CENPM: variants seen among roughly 807,000 people sequenced by gnomAD.
The protein encoded by CENPM is interphase centromere complex protein 39.
In CENPM, 14 loss-of-function variants were observed where a neutral mutation model predicts 19.6. The observed-to-expected ratio is 0.71, with a 90% CI of 0.47 to 1.11. The LOEUF (loss-of-function observed/expected upper bound fraction) is 1.11, where lower values mean the gene tolerates loss of function less well. CENPM is among the 50% of genes most tolerant of loss of function. CENPM has a pLI of 0.00. For missense variants in CENPM, 239 were observed against 228.4 expected (o/e 1.05, Z -0.30); for synonymous variants, 114 against 101.5 (o/e 1.12, Z -0.74).
chr22:41,945,338 C>T (rs1206419061), intron 3 of CENPM, 34 bp from the exon 4 acceptor site: 2 of 1,613,478 alleles, frequency 1.2e-6, no homozygotes, highest in Middle Eastern at 1.6e-4. Context: ...GAAAACAAAC[C>T]AGAGAACAAA....
intron 5 of CENPM, among the ~76,000 whole-genome samples, chr22:41,941,329 C>T (rs2077736788): frequency 6.6e-6 from 1 of 152,232 alleles, no homozygotes; most frequent in Non-Finnish European, 1.5e-5. Context: ...CTGGGTGCTC[C>T]ATCTGAGGGA....
At chr22:41,944,150 CAAA>C (rs2077770923) in intron 4 of CENPM, 1 of 985,140 alleles carries the variant, frequency 1.0e-6, no homozygotes, top group African/African-American at 1.7e-5. Flanking sequence ...CTAGAGTAAA[CAAA>C]AAGAGGACGG....
downstream of CENPM, among the ~76,000 whole-genome samples, chr22:41,934,433 G>A (rs568277119): frequency 2.2e-4 from 33 of 152,298 alleles, no homozygotes; most frequent in Admixed American, 1.1e-3. Context: ...GAGCACGGAC[G>A]GGGCAGCTTC....
chr22:41,939,238 C>A, intron 5 of CENPM, 42 bp from the exon 6 acceptor site: 1 of 1,563,056 alleles, frequency 6.4e-7, no homozygotes, highest in African/African-American at 1.3e-5. Flanking sequence ...AGAATGCTGG[C>A]CCTGCTCCCT....
In CENPM at chr22:41,939,180, G is replaced by A; in HGVS notation, c.419C>T (p.Ala140Val). ...YCDLEVEGFR[A>V]TMAQRLVRVL... ...GCGCACCAGGCGCTGCGCCATGGTGGCCCTAAAGCCTTCCACCTGCGGGGA... is the reference window on the plus strand; with the variant it reads ...GCGCACCAGGCGCTGCGCCATGGTGACCCTAAAGCCTTCCACCTGCGGGGA... Residue 140 changes from alanine to valine, a missense_variant, in exon 6 of 6, where the codon GCC becomes GTC. Coordinates refer to ENST00000215980, the MANE Select transcript of CENPM (RefSeq NM_024053.5). The A allele has an allele frequency of 6.2e-7, 1 of 1,611,380 alleles. No individual in the cohort carries two copies. The highest frequency in any genetic ancestry group is 8.5e-7 in the Non-Finnish European group (1 of 1,179,336).
At chr22:41,946,749 AC>A in intron 1 of CENPM, 1 of 598,038 alleles carries the variant, frequency 1.7e-6, no homozygotes. Context: ...AGGAGGCCAG[AC>A]CCCCAGACGC....
At position 41,946,271 on chromosome 22, in the gene CENPM, G is replaced by T. The variant is rs559629762; in HGVS notation, c.137+146C>A. 102 of 715,638 alleles carry T rather than the reference G, an allele frequency of 1.4e-4. No homozygotes were observed. The African/African-American group carries it at 1.4e-3, about 10-fold the overall frequency. 44.3% of individuals were successfully genotyped at this position (715,638 alleles called of 1,614,324 possible). ...GCAAGGGGAGGTTGGGATATAAGAC[G>T]GCATGGGACTAGCCAGCTACGCTGC... On this transcript the variant is annotated intron_variant, in intron 2 of 5. Coordinates refer to ENST00000215980, the MANE Select transcript of CENPM (RefSeq NM_024053.5).
chr22:41,933,233 T>C, the CENPM span, among the ~76,000 whole-genome samples: 2 of 152,078 alleles, frequency 1.3e-5, no homozygotes, highest in Admixed American at 6.6e-5. Flanking sequence ...CTAGCACGAC[T>C]GGTCCCACTT....
At chr22:41,933,508 C>T in the CENPM span, among the ~76,000 whole-genome samples, 1 of 152,080 alleles carries the variant, frequency 6.6e-6, no homozygotes, top group Non-Finnish European at 1.5e-5. Flanking sequence ...TGGAAGAGGG[C>T]GGTCCAGGGA....
rs778207593 is a variant in CENPM, at chr22:41,944,033, C to A, written c.311-332G>T. 4.1e-4 allele frequency: 368 copies of A among 895,764 alleles called. 1 individual carries two copies. Among genetic ancestry groups the A allele is most frequent in the Admixed American group, 1.3e-3 (21 of 16,180 alleles). The allele number at this position is 895,764 out of a possible 1,614,324, so 55.5% of individuals were successfully genotyped here. On this transcript the variant is annotated intron_variant, in intron 4 of 5. Transcript: ENST00000215980. The stretch of plus-strand genomic sequence containing the variant: ...GGAGCTAACAGTTCAGCTGGGAAGG[C>A]AGACAGGTCAGACACCTCATGCATG...
intron 3 of CENPM, 136 bp from the exon 4 acceptor site, chr22:41,945,440 T>TCCTTTA: frequency 2.1e-6 from 3 of 1,417,358 alleles, no homozygotes; most frequent in Non-Finnish European, 2.8e-6. Flanking sequence ...GAAATATTTG[T>TCCTTTA]CCTTTAATTT....
At position 41,945,278 on chromosome 22, in the gene CENPM, C is replaced by A. The variant is rs773182401; in HGVS notation, c.257G>T (p.Arg86Leu). The A allele has an allele frequency of 8.7e-6, 14 of 1,613,762 alleles. No homozygotes were observed. The change falls in exon 4 of 6, where the codon CGC becomes CTC. Residue 86 changes from arginine to leucine, a missense_variant. Transcript: ENST00000215980. The part of the protein sequence containing the change: ...YSLQNTEESL[R>L]HVDASFFLGK... ...CAAGAAGAAGCTGGCATCCACATGGCGCAGGGACTCCTCTGTGTTCTGGAG... is the reference window on the plus strand; with the variant it reads ...CAAGAAGAAGCTGGCATCCACATGGAGCAGGGACTCCTCTGTGTTCTGGAG...
At chr22:41,941,884 TGAGACAG>T (rs1332125788) in intron 5 of CENPM, among the ~76,000 whole-genome samples, 2 of 152,202 alleles carry the variant, frequency 1.3e-5, no homozygotes, top group African/African-American at 4.8e-5. Context: ...TGCTGCCACA[TGAGACAG>T]TGATGAGACC....
At chr22:41,930,308 C>A in the CENPM span, among the ~76,000 whole-genome samples, 1 of 151,630 alleles carries the variant, frequency 6.6e-6, no homozygotes, top group Non-Finnish European at 1.5e-5. Flanking sequence ...CGGCTCACTG[C>A]AGCCTCTGCC....
Position 41,945,391 on chromosome 22 carries a change from T to G in CENPM, c.231-87A>C, listed in dbSNP as rs535755865. The G allele has an allele frequency of 4.0e-5, 63 of 1,580,838 alleles. No individual in the cohort carries two copies. The Admixed American group carries it at 1.2e-3, about 29-fold the overall frequency. ...GCAGAAGTCCTTGCTTCTCTGATCC[T>G]AGAGGCCAGAGAATGACAAGAGGGT... On this transcript the variant is annotated intron_variant, in intron 3 of 5. Coordinates refer to ENST00000215980, the MANE Select transcript of CENPM (RefSeq NM_024053.5).
At chr22:41,943,524 A>T in intron 5 of CENPM, 86 bp downstream of exon 5, 1 of 1,161,752 alleles carries the variant, frequency 8.6e-7, no homozygotes. Flanking sequence ...GTCCTTCGAT[A>T]AGCATTCCCA....
chr22:41,939,033 G>A lies in CENPM; in HGVS notation c.*23C>T, dbSNP rs368867350. Reference sequence around the variant, plus strand: ...GAGTCAGCACGAAGCCATGAGAAGGGGCAGCCCAGGGGCCAGCCACCCTCA... The same window carrying A: ...GAGTCAGCACGAAGCCATGAGAAGGAGCAGCCCAGGGGCCAGCCACCCTCA... On this transcript the variant is annotated 3_prime_UTR_variant, in exon 6 of 6. Coordinates refer to ENST00000215980, the MANE Select transcript of CENPM (RefSeq NM_024053.5). The A allele has an allele frequency of 8.1e-6, 13 of 1,611,530 alleles. No homozygotes were observed. The highest frequency in any genetic ancestry group is 1.0e-5 in the Non-Finnish European group (12 of 1,179,242).
Position 41,946,444 on chromosome 22 carries a change from T to C in CENPM, c.110A>G (p.Lys37Arg), listed in dbSNP as rs755760885. The C allele has an allele frequency of 2.5e-6, 4 of 1,613,074 alleles. No individual in the cohort carries two copies. The highest frequency in any genetic ancestry group is 1.7e-5 in the Admixed American group (1 of 60,006). Reference sequence around the variant, plus strand: ...CTTCAGCTCGGAGGCGCAGTCCTCTTTGAGCATCGAGTCCGCCAGCTGCTG... The same window carrying C: ...CTTCAGCTCGGAGGCGCAGTCCTCTCTGAGCATCGAGTCCGCCAGCTGCTG... ...LLQQLADSML[K>R]EDCASELKVH... The change falls in exon 2 of 6, where the codon AAA becomes AGA. Residue 37 changes from lysine (K) to arginine (R), a missense_variant. Coordinates refer to ENST00000215980, the MANE Select transcript of CENPM (RefSeq NM_024053.5).
intron 4 of CENPM, 31 bp downstream of exon 4, chr22:41,945,194 G>A (rs1190241840): frequency 1.2e-6 from 2 of 1,613,802 alleles, no homozygotes; most frequent in Non-Finnish European, 8.5e-7. Flanking sequence ...TTGGCTGGGG[G>A]TGGGCAGTAA....
Sources: gnomAD v4.1 joint callset for allele counts (sites outside exome capture counted in the v4.1 genomes callset) on GRCh38, gnomAD v4.1.1 for gene constraint, MANE v1.5 for transcripts, NCBI Gene and HGNC (gene_info 2026-07-23, HGNC 2026-07-21) for gene names.